ATG10: variants seen among roughly 807,000 people sequenced by gnomAD.
ATG10 encodes autophagy related 10, also known as ubiquitin-like-conjugating enzyme ATG10.
ATG10 carries 30 observed loss-of-function variants against 32.1 expected under a neutral mutation model. The observed-to-expected ratio is 0.94, with a 90% CI of 0.70 to 1.27. The LOEUF is 1.27. Ranked by LOEUF, ATG10 falls within the 50% of genes most tolerant of loss-of-function variation. ATG10 has a pLI of 0.00. For missense variants in ATG10, 233 were observed against 262.3 expected (o/e 0.89, Z 0.77); for synonymous variants, 87 against 91.5 (o/e 0.95, Z 0.28).
intron 2 of ATG10, among the ~76,000 whole-genome samples, chr5:82,036,150 A>G (rs1383150038): frequency 4.6e-5 from 7 of 152,106 alleles, no homozygotes; most frequent in Admixed American, 1.3e-4. Flanking sequence ...ATGACTTCAT[A>G]CTGATTACTG....
chr5:82,151,090 A>G (rs1383563573), intron 3 of ATG10, among the ~76,000 whole-genome samples: 1 of 152,244 alleles, frequency 6.6e-6, no homozygotes, highest in East Asian at 1.9e-4. Context: ...AAGTGAATGC[A>G]TGCCCCCAGA....
At chr5:81,993,360 C>CTTTCCTTCTTTCTT in intron 2 of ATG10, among the ~76,000 whole-genome samples, 2 of 46,770 alleles carry the variant, frequency 4.3e-5, no homozygotes, top group African/African-American at 9.1e-5. Flanking sequence ...TCTTTCTTTC[C>CTTTCCTTCTTTCTT]TTCTTTTCTT....
At chr5:82,052,807 A>C (rs2149742444) in intron 2 of ATG10, among the ~76,000 whole-genome samples, 1 of 152,280 alleles carries the variant, frequency 6.6e-6, no homozygotes, top group Admixed American at 6.5e-5. Flanking sequence ...CAATATTTAC[A>C]GAACTCATTC....
chr5:82,181,437 T>C (rs1744227937), intron 5 of ATG10, among the ~76,000 whole-genome samples: 1 of 152,124 alleles, frequency 6.6e-6, no homozygotes, highest in African/African-American at 2.4e-5. Flanking sequence ...CCCAGATTGG[T>C]TAATGGGTTG....
chr5:82,036,168 T>C (rs1384313515), intron 2 of ATG10, among the ~76,000 whole-genome samples: 1 of 152,204 alleles, frequency 6.6e-6, no homozygotes, highest in Non-Finnish European at 1.5e-5. Context: ...CTGACCCATC[T>C]GTTTGTTCAT....
chr5:82,026,498 A>G (rs761431076), intron 2 of ATG10, among the ~76,000 whole-genome samples: 17 of 151,948 alleles, frequency 1.1e-4, no homozygotes, highest in Non-Finnish European at 2.2e-4. Flanking sequence ...GCTGACTTAG[A>G]ACATATGTAT....
chr5:82,104,824 G>T (rs1055061188), intron 3 of ATG10, among the ~76,000 whole-genome samples: 3 of 151,946 alleles, frequency 2.0e-5, no homozygotes, highest in African/African-American at 7.2e-5. Flanking sequence ...TCATATACAA[G>T]GTCTTTTGTT....
chr5:82,012,744 C>A (rs1043840155), intron 2 of ATG10, among the ~76,000 whole-genome samples: 9 of 152,108 alleles, frequency 5.9e-5, no homozygotes, highest in African/African-American at 2.2e-4. Context: ...CAACCTCCAC[C>A]TCCGAGGTTA....
chr5:82,164,865 T>A (rs1418420616), intron 4 of ATG10, among the ~76,000 whole-genome samples: 1 of 152,224 alleles, frequency 6.6e-6, no homozygotes, highest in East Asian at 1.9e-4. Flanking sequence ...ACTTCTAACT[T>A]TACAGTAAAA....
At chr5:82,068,185 G>A (rs1352379450) in intron 3 of ATG10, among the ~76,000 whole-genome samples, 34 of 152,276 alleles carry the variant, frequency 2.2e-4, no homozygotes, top group Admixed American at 1.7e-3. Context: ...TAAAGAAAAT[G>A]TGGCACATAT....
intron 3 of ATG10, among the ~76,000 whole-genome samples, chr5:82,118,387 CATATATATATATATATATGTATGTATAT>C (rs1446089129): frequency 1.2e-5 from 1 of 80,734 alleles, no homozygotes; most frequent in African/African-American, 5.5e-5. Context: ...AATATATGTA[CATATATATATATATATATGTATGTATAT>C]ATTCCCTAGC....
intron 5 of ATG10, among the ~76,000 whole-genome samples, chr5:82,214,684 G>A (rs1745609441): frequency 6.6e-6 from 1 of 152,196 alleles, no homozygotes; most frequent in Admixed American, 6.5e-5. Flanking sequence ...TAATTTTTCA[G>A]ACTAGACTAT....
chr5:82,152,679 C>T (rs1194634844), intron 3 of ATG10, among the ~76,000 whole-genome samples: 1 of 152,130 alleles, frequency 6.6e-6, no homozygotes, highest in African/African-American at 2.4e-5. Context: ...AAAGAATGAC[C>T]TTGAAATATT....
chr5:82,229,928 C>G (rs80055411), intron 5 of ATG10, among the ~76,000 whole-genome samples: 2 of 152,138 alleles, frequency 1.3e-5, no homozygotes, highest in Non-Finnish European at 2.9e-5. Context: ...CAGGCCTGTT[C>G]GTATACAGAT....
intron 2 of ATG10, among the ~76,000 whole-genome samples, chr5:82,042,284 A>G (rs769152253): frequency 2.6e-5 from 4 of 152,154 alleles, no homozygotes; most frequent in Non-Finnish European, 5.9e-5. Context: ...GGGAACTGCC[A>G]CACACTTTTA....
intron 5 of ATG10, among the ~76,000 whole-genome samples, chr5:82,235,182 C>G (rs1056432093): frequency 1.3e-5 from 2 of 152,066 alleles, no homozygotes; most frequent in Non-Finnish European, 2.9e-5. Context: ...TCTCTTCTTT[C>G]CTTTCCTCTA....
chr5:82,111,022 A>AGTTATGGT (rs1242198238), intron 3 of ATG10, among the ~76,000 whole-genome samples: 1 of 151,994 alleles, frequency 6.6e-6, no homozygotes, highest in Non-Finnish European at 1.5e-5. Flanking sequence ...ACAAGTTTAG[A>AGTTATGGT]GTTATGGTTT....
intron 5 of ATG10, among the ~76,000 whole-genome samples, chr5:82,213,735 C>T (rs1034865326): frequency 3.3e-5 from 5 of 152,126 alleles, no homozygotes; most frequent in Admixed American, 1.3e-4. Context: ...TGTCTAAGAG[C>T]GGAATTCATG....
intron 5 of ATG10, among the ~76,000 whole-genome samples, chr5:82,243,911 C>T (rs940119217): frequency 2.0e-5 from 3 of 151,868 alleles, no homozygotes; most frequent in African/African-American, 7.3e-5. Context: ...TAAGCCCAAA[C>T]AAAAATATAT....
Sources: gnomAD v4.1 joint callset for allele counts (sites outside exome capture counted in the v4.1 genomes callset) on GRCh38, gnomAD v4.1.1 for gene constraint, MANE v1.5 for transcripts, NCBI Gene and HGNC (gene_info 2026-07-23, HGNC 2026-07-21) for gene names.